Variants in SOCS7 observed in about 807,000 individuals in gnomAD.
The protein encoded by SOCS7 is NAP-4.
In SOCS7, 18 loss-of-function variants were observed where a neutral mutation model predicts 58.9. The observed-to-expected ratio is 0.31, with a 90% CI of 0.21 to 0.45. SOCS7 has a LOEUF of 0.45. Ranked by LOEUF, SOCS7 falls within the 20% of genes least tolerant of loss-of-function variation. SOCS7 has a pLI of 1.00. For synonymous variants in SOCS7, 388 were observed against 364.3 expected (o/e 1.06, Z -0.74); for missense variants, 667 against 837.3 (o/e 0.80, Z 2.51).
intron 8 of SOCS7, 116 bp from the exon 9 acceptor site, chr17:38,395,732 G>A (rs2038236340): frequency 9.4e-7 from 1 of 1,060,774 alleles, no homozygotes; most frequent in Admixed American, 2.3e-5. Context: ...TGAGAAAATG[G>A]GGATTGTGTT....
rs1407836434 is a variant in SOCS7 at position 38,364,964 on chromosome 17, A to G, written c.1150+108A>G. 5.1e-6 allele frequency: 4 copies of G among 783,998 alleles called. No individual in the cohort carries two copies. The East Asian group carries it at 1.0e-4, about 21-fold the overall frequency. 48.6% of individuals were successfully genotyped at this position (783,998 alleles called of 1,614,324 possible). On this transcript the variant is annotated intron_variant, in intron 3 of 9. Transcript: ENST00000612932. Reference sequence around the variant, plus strand: ...GCTTCTGGGTTTCCGATGATGACTCAATTATTTCCCAGCTCTTTCTCAGCA... The same window carrying G: ...GCTTCTGGGTTTCCGATGATGACTCGATTATTTCCCAGCTCTTTCTCAGCA...
At chr17:38,384,499 G>A (rs1024175954) in intron 7 of SOCS7, among the ~76,000 whole-genome samples, 1 of 152,010 alleles carries the variant, frequency 6.6e-6, no homozygotes, top group African/African-American at 2.4e-5. Flanking sequence ...TTTCTATGTT[G>A]CACAGGCTGG....
At position 38,402,212 on chromosome 17, in the gene SOCS7, G is replaced by C. The variant is rs1362279653; in HGVS notation, c.*2730G>C. The C allele has an allele frequency of 6.5e-6, 1 of 152,704 alleles. No homozygotes were observed. Among genetic ancestry groups the C allele is most frequent in the Non-Finnish European group, 1.5e-5 (1 of 68,356 alleles). 9.5% of individuals were successfully genotyped at this position (152,704 alleles called of 1,614,324 possible). On this transcript the variant is annotated 3_prime_UTR_variant, in exon 10 of 10. Transcript: ENST00000612932. Reference sequence around the variant, plus strand: ...TGGGCTGCAAAACAGCAGCGCAAGAGGAGACAGTCTTCGTCAGGTGTGGGT... The same window carrying C: ...TGGGCTGCAAAACAGCAGCGCAAGACGAGACAGTCTTCGTCAGGTGTGGGT...
In SOCS7 at chr17:38,352,981, C is replaced by G. The variant is rs764845606; in HGVS notation, c.929C>G (p.Ala310Gly). Residue 310 changes from alanine (A) to glycine (G), a missense_variant, in exon 1 of 10, where the codon GCG becomes GGG. Ala to Gly is a moderately conservative substitution (Grantham distance 60, BLOSUM62 0). Around this residue, in one of 9 missense-constraint regions of SOCS7, gnomAD observed 208 missense variants for 190.3 expected, o/e 1.09. Transcript: ENST00000612932. The surrounding 1 kb of genome is among the most constrained non-coding windows in gnomAD (Gnocchi z 5.5). The part of the protein sequence containing the change: ...RPSGELAASA[A>G]SLTDMGGSAG... ...TCTGGAGAGCTGGCTGCTTCAGCTG[C>G]GAGCCTGACAGACATGGGAGGCTCT... The G allele has an allele frequency of 6.2e-7, 1 of 1,606,100 alleles. No individual in the cohort carries two copies. Among genetic ancestry groups the G allele is most frequent in the South Asian group, 1.1e-5 (1 of 89,350 alleles).
At chr17:38,386,854 G>A (rs777919406) in intron 7 of SOCS7, among the ~76,000 whole-genome samples, 31 of 151,352 alleles carry the variant, frequency 2.0e-4, no homozygotes, top group Non-Finnish European at 2.7e-4. Flanking sequence ...GGGAGGCTGA[G>A]GTGGGCGGAT....
At chr17:38,387,099 AAAAATAT>A (rs1372465778) in intron 7 of SOCS7, among the ~76,000 whole-genome samples, 2 of 92,608 alleles carry the variant, frequency 2.2e-5, no homozygotes, top group African/African-American at 1.2e-4. Flanking sequence ...AAAAAAAAAA[AAAAATAT>A]ATATATATAT....
At position 38,401,633 on chromosome 17, in the gene SOCS7, C is replaced by A. The variant is rs924450447; in HGVS notation, c.*2151C>A. On this transcript the variant is annotated 3_prime_UTR_variant, in exon 10 of 10. Transcript: ENST00000612932. ...CAGAAAATCAAGGACTATCTAAAGA[C>A]GTTTATAGTAGATAAGATCAGGGTA... The A allele has an allele frequency of 1.3e-5, 2 of 152,008 alleles. No homozygotes were observed. The highest frequency in any genetic ancestry group is 3.9e-4 in the East Asian group (2 of 5,180). The allele number at this position is 152,008 out of a possible 1,614,324, so 9.4% of individuals were successfully genotyped here.
At position 38,364,803 on chromosome 17, in the gene SOCS7, C is replaced by G; in HGVS notation, c.1097C>G (p.Ser366Cys). 3 of 1,614,114 alleles carry G rather than the reference C, an allele frequency of 1.9e-6. No homozygotes were observed. Among genetic ancestry groups the G allele is most frequent in the Non-Finnish European group, 2.5e-6 (3 of 1,180,020 alleles). The part of the protein sequence containing the change: ...DVDISQRGLT[S>C]PHPPTPPPPP... The stretch of plus-strand genomic sequence containing the variant: ...GACATTTCTCAGCGGGGCCTGACCT[C>G]TCCACACCCTCCAACTCCCCCTCCT... The change falls in exon 3 of 10, where the codon TCT becomes TGT. Residue 366 changes from serine (S) to cysteine (C), a missense_variant. Physicochemically the swap from Ser to Cys is moderately radical, Grantham distance 112 (BLOSUM62 -1). Coordinates refer to ENST00000612932, the MANE Select transcript of SOCS7 (RefSeq NM_014598.4).
chr17:38,366,179 C>T (rs2037786702), intron 4 of SOCS7, 108 bp from the exon 5 acceptor site: 1 of 1,460,842 alleles, frequency 6.8e-7, no homozygotes, highest in South Asian at 1.4e-5. Flanking sequence ...AGCTTAGCTT[C>T]TAATGCCTTG....
intron 7 of SOCS7, among the ~76,000 whole-genome samples, chr17:38,389,316 G>T (rs2038120026): frequency 1.3e-5 from 2 of 152,176 alleles, no homozygotes; most frequent in Admixed American, 1.3e-4. Context: ...AGTACTTAGG[G>T]AGGCCAGGGC....
At chr17:38,366,160 A>C (rs1441940631) in intron 4 of SOCS7, 127 bp from the exon 5 acceptor site, 6 of 1,381,866 alleles carry the variant, frequency 4.3e-6, no homozygotes, top group Non-Finnish European at 5.8e-6. Flanking sequence ...TTTGGCTTCT[A>C]CCCTTTCCAG....
Position 38,400,418 on chromosome 17 carries a change from AGGTTCTTCAT to A in SOCS7, c.*939_*948del, listed in dbSNP as rs1372812660. The A allele has an allele frequency of 1.3e-5, 2 of 152,176 alleles. No homozygotes were observed. The highest frequency in any genetic ancestry group is 2.9e-5 in the Non-Finnish European group (2 of 68,048). 9.4% of individuals were successfully genotyped at this position (152,176 alleles called of 1,614,324 possible). ...GCTGAATTTAATGGAGCATGTTTCC[AGGTTCTTCAT>A]GGCAAACTGTACTCATGACTTAGGA... On this transcript the variant is annotated 3_prime_UTR_variant, in exon 10 of 10. Coordinates refer to ENST00000612932, the MANE Select transcript of SOCS7 (RefSeq NM_014598.4).
rs191417154 is a variant in SOCS7, at chr17:38,400,222, A to C, written c.*740A>C. 2 of 152,196 alleles carry C rather than the reference A, an allele frequency of 1.3e-5. No individual in the cohort carries two copies. Among genetic ancestry groups the C allele is most frequent in the African/African-American group, 4.8e-5 (2 of 41,442 alleles). 9.4% of individuals were successfully genotyped at this position (152,196 alleles called of 1,614,324 possible). On this transcript the variant is annotated 3_prime_UTR_variant, in exon 10 of 10. Coordinates refer to ENST00000612932, the MANE Select transcript of SOCS7 (RefSeq NM_014598.4). The stretch of plus-strand genomic sequence containing the variant: ...TAGTTGTGATTTACTTAATTCCTTA[A>C]GTTCCATGACCTGAAGTTAACCCCG...
At chr17:38,371,182 C>T (rs558007066) in intron 6 of SOCS7, among the ~76,000 whole-genome samples, 14 of 151,992 alleles carry the variant, frequency 9.2e-5, no homozygotes, top group Non-Finnish European at 1.6e-4. Context: ...GCCACGATCT[C>T]GGCTCACTGC....
chr17:38,367,310 C>T (rs774538431), intron 5 of SOCS7, among the ~76,000 whole-genome samples: 72 of 151,800 alleles, frequency 4.7e-4, no homozygotes, highest in Non-Finnish European at 9.1e-4. Flanking sequence ...GGTGAGCCAC[C>T]TGCCTTGGCC....
chr17:38,386,323 C>CAAAAAAAAAAA (rs548448434), intron 7 of SOCS7, among the ~76,000 whole-genome samples: 7 of 51,800 alleles, frequency 1.4e-4, no homozygotes, highest in African/African-American at 4.6e-4. Context: ...GGCTGTGTCT[C>CAAAAAAAAAAA]AAAAAAAAAA....
At chr17:38,387,129 G>GTGTGTATATATATATATATATATATATA (rs1555570683) in intron 7 of SOCS7, among the ~76,000 whole-genome samples, 2 of 64,798 alleles carry the variant, frequency 3.1e-5, no homozygotes, top group Non-Finnish European at 2.6e-5. Flanking sequence ...ATATATATAT[G>GTGTGTATATATATATATATATATATATA]TATGTATATA....
At chr17:38,376,717 G>A (rs1262958696) in intron 6 of SOCS7, among the ~76,000 whole-genome samples, 1 of 150,648 alleles carries the variant, frequency 6.6e-6, no homozygotes, top group East Asian at 1.9e-4. Flanking sequence ...GGGTGCCAGA[G>A]CAAGACCCTG....
intron 7 of SOCS7, among the ~76,000 whole-genome samples, chr17:38,393,161 C>T (rs1567752460): frequency 6.6e-6 from 1 of 152,152 alleles, no homozygotes; most frequent in Non-Finnish European, 1.5e-5. Flanking sequence ...AGGCGTGTGC[C>T]ACTGCACCCA....
Sources: gnomAD v4.1 joint callset for allele counts (sites outside exome capture counted in the v4.1 genomes callset) on GRCh38, gnomAD v4.1.1 for gene constraint, gnomAD v4.1.1 regional missense constraint, Gnocchi (gnomAD v3.1) non-coding constraint, MANE v1.5 for transcripts, NCBI Gene and HGNC (gene_info 2026-07-23, HGNC 2026-07-21) for gene names.